ADK: variants seen among roughly 807,000 people sequenced by gnomAD.
ADK encodes the protein adenosine kinase.
Under a neutral mutation model 44.7 loss-of-function variants are expected in ADK, and 24 were observed. That is an observed-to-expected ratio of 0.54 (90% CI 0.39 to 0.76). The LOEUF is 0.76. Among genes scored for constraint, ADK ranks in the 30% least tolerant of loss-of-function variants. The pLI, the probability that ADK is intolerant of heterozygous loss-of-function variation, is 0.00. For synonymous variants in ADK, 128 were observed against 142.6 expected (o/e 0.90, Z 0.73); for missense variants, 321 against 425.1 (o/e 0.76, Z 2.15).
intron 7 of ADK, among the ~76,000 whole-genome samples, chr10:74,587,600 A>C (rs1447770720): frequency 1.3e-5 from 2 of 152,182 alleles, no homozygotes; most frequent in Non-Finnish European, 2.9e-5. Context: ...ACATGGCTTG[A>C]TGCTACAGTC....
chr10:74,694,645 C>A (rs943996028), intron 10 of ADK, among the ~76,000 whole-genome samples: 1 of 152,028 alleles, frequency 6.6e-6, no homozygotes, highest in Non-Finnish European at 1.5e-5. Context: ...CCATGCCCAG[C>A]TAATTTTTCT....
intron 6 of ADK, among the ~76,000 whole-genome samples, chr10:74,448,347 C>T (rs1234567090): frequency 2.0e-5 from 3 of 152,006 alleles, no homozygotes; most frequent in Admixed American, 6.6e-5. Context: ...ACCTATTAGC[C>T]GTATGACCTT....
chr10:74,473,730 C>G (rs1400269392), intron 6 of ADK, among the ~76,000 whole-genome samples: 1 of 152,154 alleles, frequency 6.6e-6, no homozygotes, highest in African/African-American at 2.4e-5. Context: ...CCTTGAACAT[C>G]AAGTTAAGGT....
At chr10:74,430,065 G>T (rs1041151163) in intron 6 of ADK, among the ~76,000 whole-genome samples, 1 of 152,136 alleles carries the variant, frequency 6.6e-6, no homozygotes, top group East Asian at 1.9e-4. Context: ...GAGGCACGGA[G>T]GTGTTAACTT....
chr10:74,161,010 C>CA (rs1295261495), intron 1 of ADK, among the ~76,000 whole-genome samples: 4 of 152,132 alleles, frequency 2.6e-5, no homozygotes, highest in Non-Finnish European at 5.9e-5. Flanking sequence ...TTCTACTCAC[C>CA]AAACCTAGAA....
At chr10:74,231,464 G>GT (rs925954608) in intron 3 of ADK, among the ~76,000 whole-genome samples, 131 of 146,602 alleles carry the variant, frequency 8.9e-4, no homozygotes, top group South Asian at 1.3e-3. Context: ...TGTAAGAAAA[G>GT]TTTTTTTTTT....
chr10:74,469,284 A>G (rs1433749367), intron 6 of ADK, among the ~76,000 whole-genome samples: 4 of 152,188 alleles, frequency 2.6e-5, no homozygotes, highest in Non-Finnish European at 2.9e-5. Flanking sequence ...TGCTGCGGTG[A>G]ACTGTGATTG....
chr10:74,574,976 A>AC (rs1851134067), intron 7 of ADK, among the ~76,000 whole-genome samples: 1 of 152,194 alleles, frequency 6.6e-6, no homozygotes, highest in South Asian at 2.1e-4. Context: ...AAGCTGATAA[A>AC]CTAGGTGGGG....
rs904655374 is a variant in ADK, at chr10:74,237,955, G to A, written c.194+13364G>A. 3.9e-5 allele frequency among the ~76,000 whole-genome samples: 6 copies of A among 152,260 alleles called. No individual in the cohort carries two copies. The East Asian group carries it at 5.8e-4, about 15-fold the overall frequency. On this transcript the variant is annotated intron_variant, in intron 3 of 10. Coordinates refer to ENST00000539909, the MANE Select transcript of ADK (RefSeq NM_006721.4). ...CTCTACTAAGAATAGAAAATTAGGTGTGGCAGTGCATGCCTGTAATCCCAG... is the reference window on the plus strand; with the variant it reads ...CTCTACTAAGAATAGAAAATTAGGTATGGCAGTGCATGCCTGTAATCCCAG...
intron 7 of ADK, among the ~76,000 whole-genome samples, chr10:74,588,551 G>T (rs1184584079): frequency 6.6e-6 from 1 of 152,122 alleles, no homozygotes; most frequent in African/African-American, 2.4e-5. Flanking sequence ...CTAAAGTTTT[G>T]ATTAATTCAT....
At chr10:74,261,757 A>G (rs568049869) in intron 3 of ADK, among the ~76,000 whole-genome samples, 4 of 150,266 alleles carry the variant, frequency 2.7e-5, no homozygotes, top group East Asian at 2.0e-4. Flanking sequence ...TATGTGACCT[A>G]TTTTTTTCTC....
At chr10:74,404,431 G>A (rs1360232000) in intron 6 of ADK, among the ~76,000 whole-genome samples, 1 of 151,948 alleles carries the variant, frequency 6.6e-6, no homozygotes, top group Admixed American at 6.6e-5. Flanking sequence ...TGCCTAGAGG[G>A]CATTCTTTAA....
At chr10:74,374,939 T>A (rs1182042795) in intron 4 of ADK, among the ~76,000 whole-genome samples, 1 of 152,190 alleles carries the variant, frequency 6.6e-6, no homozygotes, top group East Asian at 1.9e-4. Flanking sequence ...CCTCGTATGT[T>A]GTTTTCATGC....
At chr10:74,584,363 T>G (rs551751870) in intron 7 of ADK, among the ~76,000 whole-genome samples, 90 of 152,248 alleles carry the variant, frequency 5.9e-4, no homozygotes, top group African/African-American at 2.1e-3. Context: ...ATGAAGAAAT[T>G]GATGTACTGA....
chr10:74,418,876 A>G (rs1317466841), intron 6 of ADK, among the ~76,000 whole-genome samples: 1 of 152,154 alleles, frequency 6.6e-6, no homozygotes, highest in Non-Finnish European at 1.5e-5. Context: ...ATTACCTCCG[A>G]TGGATTTGAT....
At chr10:74,450,890 C>G (rs1845747312) in intron 6 of ADK, among the ~76,000 whole-genome samples, 1 of 152,012 alleles carries the variant, frequency 6.6e-6, no homozygotes, top group African/African-American at 2.4e-5. Context: ...TATCTTTTTA[C>G]TTTCCTATCT....
At chr10:74,636,746 A>G (rs117790090) in intron 9 of ADK, among the ~76,000 whole-genome samples, 3,332 of 152,356 alleles carry the variant, frequency 0.022, 69 homozygotes, top group Non-Finnish European at 0.038. Flanking sequence ...GAAGCAGCCA[A>G]TAATACAGAG....
intron 10 of ADK, among the ~76,000 whole-genome samples, chr10:74,671,555 T>C (rs1855186888): frequency 6.6e-6 from 1 of 152,236 alleles, no homozygotes; most frequent in African/African-American, 2.4e-5. Flanking sequence ...GTCTTCATTA[T>C]TGATAATATT....
chr10:74,525,820 A>G (rs1173991634), intron 7 of ADK, among the ~76,000 whole-genome samples: 1 of 151,908 alleles, frequency 6.6e-6, no homozygotes, highest in African/African-American at 2.4e-5. Flanking sequence ...ATGCCCAGCT[A>G]AATTTTGTGT....
Sources: gnomAD v4.1 joint callset for allele counts (sites outside exome capture counted in the v4.1 genomes callset) on GRCh38, gnomAD v4.1.1 for gene constraint, MANE v1.5 for transcripts, NCBI Gene and HGNC (gene_info 2026-07-23, HGNC 2026-07-21) for gene names.